The following SAMMSON variants were observed in gnomAD, a reference collection of about 807,000 sequenced individuals.
The protein encoded by SAMMSON is survival associated mitochondrial melanoma specific oncogenic non-coding RNA.
chr3:70,207,694 C>A (rs1701305574), intron 4 of SAMMSON, among the ~76,000 whole-genome samples: 1 of 151,974 alleles, frequency 6.6e-6, no homozygotes, highest in Non-Finnish European at 1.5e-5. Flanking sequence ...AGTATAACAA[C>A]CACTTACATA....
At chr3:70,189,696 G>T (rs1221092868) in intron 4 of SAMMSON, among the ~76,000 whole-genome samples, 1 of 152,194 alleles carries the variant, frequency 6.6e-6, no homozygotes, top group African/African-American at 2.4e-5. Flanking sequence ...GATTTGGTAA[G>T]TAATAACTCA....
intron 3 of SAMMSON, among the ~76,000 whole-genome samples, chr3:70,037,766 C>A (rs1321346486): frequency 6.6e-6 from 1 of 152,154 alleles, no homozygotes; most frequent in East Asian, 1.9e-4. Context: ...GGAATACACC[C>A]TTAGATTGCT....
chr3:70,012,935 A>G (rs2066964141), intron 2 of SAMMSON, among the ~76,000 whole-genome samples: 1 of 152,146 alleles, frequency 6.6e-6, no homozygotes, highest in Non-Finnish European at 1.5e-5. Flanking sequence ...TATCTACCCT[A>G]AAAGGCTGAG....
chr3:70,020,297 A>G (rs1369434399), intron 3 of SAMMSON, among the ~76,000 whole-genome samples: 1 of 152,180 alleles, frequency 6.6e-6, no homozygotes, highest in South Asian at 2.1e-4. Flanking sequence ...CTAAGAGATT[A>G]ATGCAGAAAG....
chr3:70,049,827 T>A (rs1436273876), intron 3 of SAMMSON, among the ~76,000 whole-genome samples: 1 of 152,108 alleles, frequency 6.6e-6, no homozygotes, highest in Non-Finnish European at 1.5e-5. Context: ...GTCCCTGTGA[T>A]CTCATAGAAA....
At chr3:70,129,480 T>C (rs889720106) in intron 4 of SAMMSON, among the ~76,000 whole-genome samples, 2 of 152,190 alleles carry the variant, frequency 1.3e-5, no homozygotes, top group African/African-American at 2.4e-5. Flanking sequence ...ATGTTTGACA[T>C]GGAAACAATG....
chr3:70,258,931 CTT>C (rs1286061036), intron 6 of SAMMSON, among the ~76,000 whole-genome samples: 2 of 151,764 alleles, frequency 1.3e-5, no homozygotes, highest in African/African-American at 4.8e-5. Flanking sequence ...CAGTGAATCT[CTT>C]ATTTTTATCA....
At chr3:70,350,627 A>T (rs1702787408) in intron 7 of SAMMSON, among the ~76,000 whole-genome samples, 1 of 152,168 alleles carries the variant, frequency 6.6e-6, no homozygotes, top group Non-Finnish European at 1.5e-5. Context: ...TATGTGTCTT[A>T]CTAGCTATTT....
chr3:70,044,793 A>G lies in SAMMSON; in HGVS notation n.418-26683A>G, dbSNP rs901030356. ...AAATGTAACTGTGTTTACATATAAA[A>G]TCTATACTTCACATAAAAAGGAAAT... On this transcript the variant is annotated intron_variant and non_coding_transcript_variant, in intron 3 of 9. Transcript: ENST00000642114. 5.3e-5 allele frequency among the ~76,000 whole-genome samples: 8 copies of G among 150,532 alleles called. No homozygotes were observed. The Admixed American group carries it at 5.3e-4, about 10-fold the overall frequency.
chr3:70,398,260 T>C (rs1430645717), intron 2 of SAMMSON, among the ~76,000 whole-genome samples: 6 of 152,220 alleles, frequency 3.9e-5, no homozygotes, highest in Non-Finnish European at 7.4e-5. Context: ...TCTAGACTTA[T>C]TTTTGCTGAT....
At chr3:70,126,076 T>G (rs2067457215) in intron 4 of SAMMSON, 6 of 1,188,200 alleles carry the variant, frequency 5.0e-6, no homozygotes, top group Admixed American at 2.0e-5. Context: ...TACATAGAAC[T>G]TAGGCACGCT....
At chr3:70,378,252 T>G (rs1370875389) in intron 9 of SAMMSON, among the ~76,000 whole-genome samples, 1 of 151,888 alleles carries the variant, frequency 6.6e-6, no homozygotes, top group African/African-American at 2.4e-5. Flanking sequence ...TCACCCATAT[T>G]AGGAAATATC....
intron 6 of SAMMSON, among the ~76,000 whole-genome samples, chr3:70,280,954 T>G (rs527812102): frequency 6.6e-6 from 1 of 152,318 alleles, no homozygotes; most frequent in South Asian, 2.1e-4. Context: ...ATACCCTTTT[T>G]GTGTGATCGT....
chr3:70,089,699 A>T (rs1021473562), intron 4 of SAMMSON, among the ~76,000 whole-genome samples: 1 of 152,092 alleles, frequency 6.6e-6, no homozygotes, highest in Non-Finnish European at 1.5e-5. Context: ...TGATGCTTTC[A>T]AGGTGTTTCG....
At chr3:70,141,477 G>A (rs77024749) in intron 4 of SAMMSON, among the ~76,000 whole-genome samples, 1 of 152,108 alleles carries the variant, frequency 6.6e-6, no homozygotes, top group African/African-American at 2.4e-5. Flanking sequence ...TGATGAGAGT[G>A]ATCTTTACTC....
intron 4 of SAMMSON, among the ~76,000 whole-genome samples, chr3:70,077,320 G>A (rs1308677403): frequency 6.6e-6 from 1 of 151,982 alleles, no homozygotes; most frequent in Non-Finnish European, 1.5e-5. Flanking sequence ...TTGTTAACAA[G>A]ACTATTAATT....
At chr3:70,258,873 A>AT (rs1701841302) in intron 6 of SAMMSON, among the ~76,000 whole-genome samples, 1 of 152,246 alleles carries the variant, frequency 6.6e-6, no homozygotes, top group East Asian at 1.9e-4. Context: ...TTTTTCTTTA[A>AT]TTTTTTAAAT....
chr3:70,212,691 C>G (rs1371179810), intron 4 of SAMMSON, among the ~76,000 whole-genome samples: 2 of 152,118 alleles, frequency 1.3e-5, no homozygotes, highest in Non-Finnish European at 2.9e-5. Flanking sequence ...GGACAATATT[C>G]TTCTCGTCAT....
intron 3 of SAMMSON, among the ~76,000 whole-genome samples, chr3:70,054,268 T>C (rs1476782433): frequency 6.6e-6 from 1 of 152,128 alleles, no homozygotes; most frequent in Non-Finnish European, 1.5e-5. Flanking sequence ...GACAAGTGAA[T>C]GGGGAGGGAG....
Sources: allele counts gnomAD v4.1 joint callset (sites outside exome capture counted in the v4.1 genomes callset), GRCh38; gene constraint gnomAD v4.1.1; transcripts MANE v1.5; gene names NCBI Gene and HGNC (gene_info 2026-07-23, HGNC 2026-07-21).